The following SLCO5A1 variants were observed in gnomAD, a reference collection of about 807,000 sequenced individuals.
SLCO5A1 encodes the protein solute carrier organic anion transporter family member 5A1, also known as organic anion transporter polypeptide-related protein 4.
In SLCO5A1, 39 loss-of-function variants were observed where a neutral mutation model predicts 65.1. The ratio of observed to expected loss-of-function variants is 0.60; its 90% CI spans 0.46 to 0.78. The LOEUF is 0.78. SLCO5A1 is among the 30% of genes least tolerant of loss of function. The probability of loss-of-function intolerance (pLI) is 0.00; values close to 1 mark genes in which losing one functional copy is unlikely to be tolerated. For synonymous variants in SLCO5A1, 438 were observed against 415.7 expected (o/e 1.05, Z -0.65); for missense variants, 1,029 against 1,069.4 (o/e 0.96, Z 0.53).
intron 2 of SLCO5A1, among the ~76,000 whole-genome samples, chr8:69,778,003 A>G (rs1818631723): frequency 6.6e-6 from 1 of 152,152 alleles, no homozygotes; most frequent in Admixed American, 6.5e-5. Context: ...ATTCACATAA[A>G]TTTTATCATA....
At chr8:69,801,849 G>A (rs1407835627) in intron 2 of SLCO5A1, among the ~76,000 whole-genome samples, 1 of 152,152 alleles carries the variant, frequency 6.6e-6, no homozygotes, top group East Asian at 1.9e-4. Context: ...GCTGAGTTCA[G>A]GCAACAGAGG....
intron 5 of SLCO5A1, among the ~76,000 whole-genome samples, chr8:69,721,486 G>A (rs1586725125): frequency 6.6e-6 from 1 of 152,184 alleles, no homozygotes; most frequent in Non-Finnish European, 1.5e-5. Flanking sequence ...GCTAATTAAT[G>A]CCAGAGCAAG....
chr8:69,697,368 C>T (rs1287068550), intron 6 of SLCO5A1, among the ~76,000 whole-genome samples: 3 of 151,912 alleles, frequency 2.0e-5, no homozygotes, highest in Non-Finnish European at 4.4e-5. Flanking sequence ...CCTGCCTGGG[C>T]GACAGAGCGA....
chr8:69,815,063 G>T (rs553184572), intron 2 of SLCO5A1, among the ~76,000 whole-genome samples: 1 of 152,266 alleles, frequency 6.6e-6, no homozygotes, highest in East Asian at 1.9e-4. Flanking sequence ...TTTCAGGGAG[G>T]AGAAATGTTT....
At position 69,679,426 on chromosome 8, in the gene SLCO5A1, G is replaced by C; in HGVS notation, c.1976C>G (p.Thr659Ser). The change falls in exon 8 of 10, where the codon ACC becomes AGC. Residue 659 changes from threonine (T) to serine (S), a missense_variant. This residue lies in a region of SLCO5A1 where 258 missense variants were observed against 237.4 expected (regional missense o/e 1.09). Transcript: ENST00000260126. The stretch of plus-strand genomic sequence containing the variant: ...TGGTTGGGCACATGCTGTGATGAAG[G>C]TGACTATGAAAAGAAAAACTAAGAA... ...IPFLVFLFIV[T>S]FITACAQPSA... 1 of 1,614,206 alleles carries C rather than the reference G, an allele frequency of 6.2e-7. No homozygotes were observed. Among genetic ancestry groups the C allele is most frequent in the Non-Finnish European group, 8.5e-7 (1 of 1,180,030 alleles).
chr8:69,682,615 A>C (rs1813832598), intron 6 of SLCO5A1, among the ~76,000 whole-genome samples: 1 of 152,184 alleles, frequency 6.6e-6, no homozygotes, highest in Non-Finnish European at 1.5e-5. Context: ...TGGTGCTATG[A>C]ACCTGGTCTC....
Position 69,832,517 on chromosome 8 carries a change from T to C in SLCO5A1, c.157A>G (p.Thr53Ala). 1 of 1,609,172 alleles carries C rather than the reference T, an allele frequency of 6.2e-7. No individual in the cohort carries two copies. The highest frequency in any genetic ancestry group is 8.5e-7 in the Non-Finnish European group (1 of 1,178,016). ...SASCRPSLSP[T>A]SGDANPAFGC... ...AAGGCCGGGTTGGCGTCTCCACTAGTGGGACTGAGGCTTGGCCGGCAGGAG... is the reference window on the plus strand; with the variant it reads ...AAGGCCGGGTTGGCGTCTCCACTAGCGGGACTGAGGCTTGGCCGGCAGGAG... The change falls in exon 2 of 10, where the codon ACT becomes GCT. Residue 53 changes from threonine to alanine, a missense_variant. Transcript: ENST00000260126. The surrounding 1 kb of genome is among the most constrained non-coding windows in gnomAD (Gnocchi z 4.5).
At chr8:69,696,377 C>T (rs1814500074) in intron 6 of SLCO5A1, among the ~76,000 whole-genome samples, 1 of 152,220 alleles carries the variant, frequency 6.6e-6, no homozygotes, top group Non-Finnish European at 1.5e-5. Flanking sequence ...CCGATCGAAT[C>T]TCCATGGGTT....
At chr8:69,683,735 G>C (rs1324856060) in intron 6 of SLCO5A1, among the ~76,000 whole-genome samples, 1 of 152,006 alleles carries the variant, frequency 6.6e-6, no homozygotes, top group African/African-American at 2.4e-5. Flanking sequence ...GCTAATTTTT[G>C]TATTTTCAGT....
intron 2 of SLCO5A1, among the ~76,000 whole-genome samples, chr8:69,776,204 T>G (rs189848585): frequency 5.3e-5 from 8 of 152,300 alleles, no homozygotes; most frequent in African/African-American, 1.9e-4. Context: ...ATGGTAACAT[T>G]TATCACTATA....
chr8:69,828,183 G>A (rs189094575), intron 2 of SLCO5A1, among the ~76,000 whole-genome samples: 1 of 151,836 alleles, frequency 6.6e-6, no homozygotes, highest in African/African-American at 2.4e-5. Context: ...TCAAACTACT[G>A]TAGCTCCTAC....
Position 69,831,895 on chromosome 8 carries a change from T to C in SLCO5A1, c.779A>G (p.His260Arg), listed in dbSNP as rs1821166590. The C allele has an allele frequency of 6.2e-7, 1 of 1,610,284 alleles. No individual in the cohort carries two copies. The highest frequency in any genetic ancestry group is 1.3e-5 in the African/African-American group (1 of 74,606). ...ACPKDSGGNN[H>R]WVYVALFICA... The stretch of plus-strand genomic sequence containing the variant: ...AATGAATAAAGCCACGTAGACCCAG[T>C]GATTATTTCCTCCCGAGTCCTTCGG... Residue 260 changes from histidine (H) to arginine (R), a missense_variant, in exon 2 of 10, where the codon CAC (histidine) becomes CGC (arginine). His to Arg is a conservative substitution (Grantham distance 29). Transcript: ENST00000260126.
intron 4 of SLCO5A1, 53 bp downstream of exon 4, chr8:69,755,371 A>C: frequency 1.4e-6 from 2 of 1,470,662 alleles, no homozygotes; most frequent in Non-Finnish European, 1.9e-6. Context: ...CCACACTATG[A>C]GTAGCACTGA....
At position 69,672,676 on chromosome 8, in the gene SLCO5A1, C is replaced by T. The variant is rs1453995354; in HGVS notation, c.*193G>A. 4 of 607,318 alleles carry T rather than the reference C, an allele frequency of 6.6e-6. No individual in the cohort carries two copies. Among genetic ancestry groups the T allele is most frequent in the African/African-American group, 3.7e-5 (2 of 54,068 alleles). 37.6% of individuals were successfully genotyped at this position (607,318 alleles called of 1,614,324 possible). A position where few individuals can be genotyped will look rare whatever the true frequency, so the allele number is the denominator to read the frequency against. ...TGAACGTCTCCTTCTTGGAGAGAAG[C>T]GGGGAAAGGCTCTCAGTCTTGTTGA... On this transcript the variant is annotated 3_prime_UTR_variant, in exon 10 of 10. Transcript: ENST00000260126.
chr8:69,728,826 T>A (rs1350334330), intron 5 of SLCO5A1, among the ~76,000 whole-genome samples: 2 of 152,152 alleles, frequency 1.3e-5, no homozygotes, highest in Admixed American at 6.5e-5. Flanking sequence ...GATATTAACA[T>A]TTGAAGTGCA....
chr8:69,730,504 A>T (rs1407724568), intron 5 of SLCO5A1, among the ~76,000 whole-genome samples: 1 of 152,186 alleles, frequency 6.6e-6, no homozygotes, highest in Non-Finnish European at 1.5e-5. Flanking sequence ...AGAGAAAAAC[A>T]CTGTCCACCT....
chr8:69,756,649 G>A (rs1190362768), intron 3 of SLCO5A1, among the ~76,000 whole-genome samples: 4 of 152,246 alleles, frequency 2.6e-5, no homozygotes. Flanking sequence ...GGAAATTAAT[G>A]TGTATCGGAA....
At chr8:69,693,772 T>A (rs1563665964) in intron 6 of SLCO5A1, among the ~76,000 whole-genome samples, 1 of 152,224 alleles carries the variant, frequency 6.6e-6, no homozygotes, top group Non-Finnish European at 1.5e-5. Flanking sequence ...ATGAGTACTA[T>A]AATTGATCAC....
chr8:69,752,831 G>A (rs1239250169), intron 4 of SLCO5A1, among the ~76,000 whole-genome samples: 1 of 152,070 alleles, frequency 6.6e-6, no homozygotes, highest in Non-Finnish European at 1.5e-5. Context: ...AAGGCATAGG[G>A]TAAAAAAAGG....
Sources: gnomAD v4.1 joint callset for allele counts (sites outside exome capture counted in the v4.1 genomes callset) on GRCh38, gnomAD v4.1.1 for gene constraint, gnomAD v4.1.1 regional missense constraint, Gnocchi (gnomAD v3.1) non-coding constraint, MANE v1.5 for transcripts, NCBI Gene and HGNC (gene_info 2026-07-23, HGNC 2026-07-21) for gene names.